Variants in NRG4 observed in about 807,000 individuals in gnomAD.
NRG4 encodes the protein pro-neuregulin-4, membrane-bound isoform.
Under a neutral mutation model 15.0 loss-of-function variants are expected in NRG4, and 10 were observed. That is an observed-to-expected ratio of 0.67 (90% CI 0.41 to 1.13). NRG4 has a LOEUF of 1.13. Among genes scored for constraint, NRG4 ranks in the 50% most tolerant of loss-of-function variants. NRG4 has a pLI of 0.00. For missense variants in NRG4, 139 were observed against 140.2 expected, an observed-to-expected ratio of 0.99 and a Z score of 0.04; for synonymous variants, 41 against 50.1, an observed-to-expected ratio of 0.82 and a Z score of 0.77.
chr15:75,995,812 G>A (rs915326045), intron 3 of NRG4, among the ~76,000 whole-genome samples: 2 of 152,140 alleles, frequency 1.3e-5, no homozygotes, highest in African/African-American at 4.8e-5. Flanking sequence ...GTTGGCAAGG[G>A]ACACTCACAG....
intron 4 of NRG4, among the ~76,000 whole-genome samples, chr15:76,043,250 G>A (rs985805628): frequency 6.6e-6 from 1 of 152,148 alleles, no homozygotes; most frequent in Non-Finnish European, 1.5e-5. Flanking sequence ...TGACAAGGAT[G>A]CCCACTTTCA....
At chr15:76,014,301 T>C (rs2034908435), upstream of NRG4, among the ~76,000 whole-genome samples, 1 of 152,172 alleles carries the variant, frequency 6.6e-6, no homozygotes, top group Non-Finnish European at 1.5e-5. Flanking sequence ...GTTGCCTGTT[T>C]ACTCTGACGA....
intron 3 of NRG4, among the ~76,000 whole-genome samples, chr15:75,999,465 A>G (rs1193190711): frequency 1.3e-5 from 2 of 152,198 alleles, no homozygotes; most frequent in African/African-American, 4.8e-5. Flanking sequence ...ATGTGAGGAC[A>G]TAGTGTTCGG....
intron 2 of NRG4, among the ~76,000 whole-genome samples, chr15:76,054,563 C>T (rs953927929): frequency 1.3e-5 from 2 of 152,140 alleles, no homozygotes; most frequent in Non-Finnish European, 2.9e-5. Flanking sequence ...TACAGGCGCC[C>T]ACCACCACGC....
chr15:76,031,267 G>A (rs116061185), intron 5 of NRG4, among the ~76,000 whole-genome samples: 2,098 of 152,236 alleles, frequency 0.014, 59 homozygotes, highest in African/African-American at 0.047. Context: ...CATATTTCAC[G>A]TTGAAATATT....
At chr15:75,948,034 G>A (rs185295282) in intron 5 of NRG4, among the ~76,000 whole-genome samples, 17 of 152,202 alleles carry the variant, frequency 1.1e-4, no homozygotes, top group Admixed American at 1.1e-3. Flanking sequence ...AGTTTTAGAA[G>A]TTCTTTATAT....
chr15:75,969,326 A>G (rs1217229929), intron 3 of NRG4: 1 of 399,034 alleles, frequency 2.5e-6, no homozygotes, highest in Non-Finnish European at 5.2e-6. Flanking sequence ...GACATAATGG[A>G]GTATTTGCCA....
At chr15:76,010,848 A>G (rs1006652373) in intron 2 of NRG4, among the ~76,000 whole-genome samples, 4 of 152,130 alleles carry the variant, frequency 2.6e-5, no homozygotes, top group Non-Finnish European at 5.9e-5. Flanking sequence ...ATAGTCAGAC[A>G]TATCTCAACA....
downstream of NRG4, chr15:75,940,545 AAAG>A (rs2141745511): frequency 1.3e-5 from 2 of 151,924 alleles, no homozygotes; most frequent in African/African-American, 4.8e-5. Flanking sequence ...CAGTCTTGAG[AAAG>A]AAGAACAAAT....
At chr15:75,965,098 C>T (rs1009824906) in intron 3 of NRG4, among the ~76,000 whole-genome samples, 2 of 151,608 alleles carry the variant, frequency 1.3e-5, no homozygotes, top group Non-Finnish European at 1.5e-5. Context: ...TGGTGGCGGG[C>T]GCCTGCAGTC....
At chr15:76,037,656 G>T (rs1322858282) in intron 4 of NRG4, among the ~76,000 whole-genome samples, 2 of 152,102 alleles carry the variant, frequency 1.3e-5, no homozygotes, top group African/African-American at 4.8e-5. Flanking sequence ...TGTTGAGCTG[G>T]GCTTGGAGCC....
At chr15:76,002,755 A>T (rs1303184381) in intron 3 of NRG4, among the ~76,000 whole-genome samples, 1 of 152,150 alleles carries the variant, frequency 6.6e-6, no homozygotes, top group Non-Finnish European at 1.5e-5. Context: ...GTAATGATAA[A>T]AGGGTCAATT....
At chr15:75,995,429 T>C (rs1425204534) in intron 3 of NRG4, among the ~76,000 whole-genome samples, 10 of 151,874 alleles carry the variant, frequency 6.6e-5, no homozygotes, top group African/African-American at 1.2e-4. Flanking sequence ...CATTAGCTAA[T>C]AGAGCAAGAA....
At chr15:76,054,676 C>T (rs879620513) in intron 2 of NRG4, among the ~76,000 whole-genome samples, 4 of 152,100 alleles carry the variant, frequency 2.6e-5, no homozygotes, top group African/African-American at 9.7e-5. Context: ...TTTTTATTAC[C>T]TCTTCCTCTA....
chr15:76,018,259 A>G (rs1275215871), intron 5 of NRG4, among the ~76,000 whole-genome samples: 1 of 152,028 alleles, frequency 6.6e-6, no homozygotes, highest in South Asian at 2.1e-4. Context: ...GCTTCCTTGC[A>G]TTGAGTTAGA....
At chr15:75,986,830 A>G (rs1227774583) in intron 3 of NRG4, among the ~76,000 whole-genome samples, 1 of 152,190 alleles carries the variant, frequency 6.6e-6, no homozygotes, top group Non-Finnish European at 1.5e-5. Flanking sequence ...TCCCAAACTA[A>G]GCCTAGTTTC....
chr15:75,976,800 A>C (rs1399202673), intron 3 of NRG4, among the ~76,000 whole-genome samples: 1 of 152,200 alleles, frequency 6.6e-6, no homozygotes, highest in African/African-American at 2.4e-5. Context: ...GTCAGGAGGC[A>C]TGGGGGTCAG....
intron 4 of NRG4, among the ~76,000 whole-genome samples, chr15:75,957,429 C>T (rs1420339215): frequency 6.6e-6 from 1 of 152,220 alleles, no homozygotes; most frequent in Non-Finnish European, 1.5e-5. Flanking sequence ...AATATCACTG[C>T]TCTGTCTTCT....
At chr15:75,987,529 T>A (rs2033841495) in intron 3 of NRG4, among the ~76,000 whole-genome samples, 1 of 152,086 alleles carries the variant, frequency 6.6e-6, no homozygotes, top group Non-Finnish European at 1.5e-5. Flanking sequence ...AGTGCCCTTA[T>A]AAGAGACAGG....
Sources: gnomAD v4.1 joint callset for allele counts (sites outside exome capture counted in the v4.1 genomes callset) on GRCh38, gnomAD v4.1.1 for gene constraint, MANE v1.5 for transcripts, NCBI Gene and HGNC (gene_info 2026-07-23, HGNC 2026-07-21) for gene names.